The following UBE2K variants were observed in gnomAD, a reference collection of about 807,000 sequenced individuals.
UBE2K encodes ubiquitin-conjugating enzyme E2 K.
UBE2K carries 6 observed loss-of-function variants against 30.0 expected under a neutral mutation model. That is an observed-to-expected ratio of 0.20 (90% confidence interval 0.11 to 0.39). UBE2K has a LOEUF of 0.39. Ranked by LOEUF, UBE2K falls within the 10% of genes least tolerant of loss-of-function variation. The pLI, the probability that UBE2K is intolerant of heterozygous loss-of-function variation, is 1.00. For missense variants in UBE2K, 61 were observed against 241.6 expected, an observed-to-expected ratio of 0.25 and a Z score of 4.96; for synonymous variants, 86 against 83.7, an observed-to-expected ratio of 1.03 and a Z score of -0.15.
intron 4 of UBE2K, among the ~76,000 whole-genome samples, chr4:39,760,662 C>T (rs1711869978): frequency 6.6e-6 from 1 of 152,076 alleles, no homozygotes; most frequent in African/African-American, 2.4e-5. Flanking sequence ...CTTTGGGAGG[C>T]CGAGGCGGGC....
intron 3 of UBE2K, among the ~76,000 whole-genome samples, chr4:39,749,226 A>G (rs1721131705): frequency 6.6e-6 from 1 of 152,238 alleles, no homozygotes; most frequent in African/African-American, 2.4e-5. Context: ...GAGAAAATAT[A>G]TCTTTGAATC....
At chr4:39,719,145 C>A (rs1295793893) in intron 1 of UBE2K, among the ~76,000 whole-genome samples, 1 of 152,238 alleles carries the variant, frequency 6.6e-6, no homozygotes, top group East Asian at 1.9e-4. Flanking sequence ...CTCAGACTTT[C>A]AGTCTCCCTC....
chr4:39,775,678 G>A (rs1453758250), intron 5 of UBE2K, among the ~76,000 whole-genome samples: 1 of 152,148 alleles, frequency 6.6e-6, no homozygotes, highest in East Asian at 1.9e-4. Flanking sequence ...CTTGAACCTG[G>A]GTGGCAGAGG....
intron 2 of UBE2K, among the ~76,000 whole-genome samples, chr4:39,741,477 A>G (rs1720701309): frequency 6.6e-6 from 1 of 152,238 alleles, no homozygotes; most frequent in Admixed American, 6.5e-5. Flanking sequence ...ATGTGACGAT[A>G]GGTTAAATGT....
chr4:39,737,314 G>A, intron 1 of UBE2K, 106 bp from the exon 2 acceptor site: 2 of 557,624 alleles, frequency 3.6e-6, no homozygotes, highest in Non-Finnish European at 6.2e-6. Context: ...TACTAGAGCA[G>A]ATAATCAAGC....
intron 4 of UBE2K, among the ~76,000 whole-genome samples, chr4:39,765,879 G>A (rs1422381950): frequency 2.0e-5 from 3 of 151,752 alleles, no homozygotes; most frequent in South Asian, 2.1e-4. Flanking sequence ...AGGCCGAGGC[G>A]GATGGATCAC....
At chr4:39,724,198 C>G (rs1328643597) in intron 1 of UBE2K, among the ~76,000 whole-genome samples, 4 of 151,514 alleles carry the variant, frequency 2.6e-5, no homozygotes, top group African/African-American at 4.9e-5. Flanking sequence ...ACCTGGAACT[C>G]CTGGGCTCAA....
chr4:39,771,330 G>A (rs1034234898), intron 4 of UBE2K: 1 of 1,612,500 alleles, frequency 6.2e-7, no homozygotes, highest in Non-Finnish European at 8.5e-7. Flanking sequence ...CGGCCACAAT[G>A]GTCACGTCGC....
intron 1 of UBE2K, among the ~76,000 whole-genome samples, chr4:39,701,483 A>G (rs1203670551): frequency 3.9e-5 from 6 of 152,248 alleles, no homozygotes; most frequent in African/African-American, 1.2e-4. Context: ...TAGATGTCCT[A>G]TTTCCTAGAT....
chr4:39,705,106 C>T (rs1378350414), intron 1 of UBE2K, among the ~76,000 whole-genome samples: 1 of 151,132 alleles, frequency 6.6e-6, no homozygotes, highest in Admixed American at 6.6e-5. Flanking sequence ...ACCGTATTGG[C>T]CAGGCTGGTC....
In UBE2K at chr4:39,782,042, T is replaced by C. The variant is rs1021299906; in HGVS notation, c.*3608T>C. 5 of 398,160 alleles carry C rather than the reference T, an allele frequency of 1.3e-5. No individual in the cohort carries two copies. Among genetic ancestry groups the C allele is most frequent in the Non-Finnish European group, 2.2e-5 (5 of 225,686 alleles). The allele number at this position is 398,160 out of a possible 1,614,324, so 24.7% of individuals were successfully genotyped here. A position where few individuals can be genotyped will look rare whatever the true frequency, so the allele number is the denominator to read the frequency against. Reference sequence around the variant, plus strand: ...AATATAGATCAAAGATCTTGTGGCATAGGGGTAGGGGAGTGTTAGTATCTC... The same window carrying C: ...AATATAGATCAAAGATCTTGTGGCACAGGGGTAGGGGAGTGTTAGTATCTC... On this transcript the variant is annotated 3_prime_UTR_variant, in exon 7 of 7. Transcript: ENST00000261427.
At chr4:39,723,005 C>CA (rs925219499) in intron 1 of UBE2K, among the ~76,000 whole-genome samples, 2 of 151,580 alleles carry the variant, frequency 1.3e-5, no homozygotes, top group African/African-American at 4.9e-5. Flanking sequence ...AGGCTGGTCT[C>CA]AAACTCCTGA....
At chr4:39,765,958 T>A (rs1216508530) in intron 4 of UBE2K, among the ~76,000 whole-genome samples, 1 of 148,960 alleles carries the variant, frequency 6.7e-6, no homozygotes, top group Non-Finnish European at 1.5e-5. Context: ...CACATACACA[T>A]ACACATACAC....
rs546683700 is a variant in UBE2K, at chr4:39,764,592, C to G, written c.299+8853C>G. Reference sequence around the variant, plus strand: ...TTATCACAGGTGCACACCACCATGCCTGGCTAATTTTTTAAAATTACTTTT... The same window carrying G: ...TTATCACAGGTGCACACCACCATGCGTGGCTAATTTTTTAAAATTACTTTT... On this transcript the variant is annotated intron_variant, in intron 4 of 6. Coordinates refer to ENST00000261427, the MANE Select transcript of UBE2K (RefSeq NM_005339.5). Among the ~76,000 whole-genome samples, 120 of 152,142 alleles carry G rather than the reference C, an allele frequency of 7.9e-4. 1 individual carries two copies. The highest frequency in any genetic ancestry group is 2.8e-3 in the African/African-American group (118 of 41,518).
chr4:39,774,368 G>C (rs965204113), intron 4 of UBE2K, among the ~76,000 whole-genome samples: 71 of 151,966 alleles, frequency 4.7e-4, no homozygotes, highest in African/African-American at 1.5e-3. Context: ...AGCACATTGG[G>C]AGGCCAAGGC....
Position 39,781,734 on chromosome 4 carries a change from G to T in UBE2K, c.*3300G>T. On this transcript the variant is annotated 3_prime_UTR_variant, in exon 7 of 7. Coordinates refer to ENST00000261427, the MANE Select transcript of UBE2K (RefSeq NM_005339.5). Reference sequence around the variant, plus strand: ...ATGTTTAGATAGGAAAAAGGAAGCCGTCTGTTTACAGTTAACTTTATTTCA... The same window carrying T: ...ATGTTTAGATAGGAAAAAGGAAGCCTTCTGTTTACAGTTAACTTTATTTCA... 2.6e-6 allele frequency: 1 copy of T among 390,374 alleles called. No homozygotes were observed. Among genetic ancestry groups the T allele is most frequent in the East Asian group, 3.6e-5 (1 of 27,696 alleles). The allele number at this position is 390,374 out of a possible 1,614,324, so 24.2% of individuals were successfully genotyped here. A position where few individuals can be genotyped will look rare whatever the true frequency, so the allele number is the denominator to read the frequency against.
chr4:39,764,909 A>G (rs994498523), intron 4 of UBE2K, among the ~76,000 whole-genome samples: 3 of 108,886 alleles, frequency 2.8e-5, no homozygotes, highest in African/African-American at 1.4e-4. Flanking sequence ...TTTTCGAGAC[A>G]AGAGTCTCAC....
intron 4 of UBE2K, 72 bp downstream of exon 4, chr4:39,755,811 A>G: frequency 8.9e-7 from 1 of 1,125,086 alleles, no homozygotes; most frequent in East Asian, 2.5e-5. Flanking sequence ...TAAATGTGTA[A>G]TTGCCTCAAA....
At chr4:39,731,024 C>T (rs961844705) in intron 1 of UBE2K, among the ~76,000 whole-genome samples, 17 of 151,646 alleles carry the variant, frequency 1.1e-4, no homozygotes, top group African/African-American at 4.1e-4. Flanking sequence ...CTTGCTTTGT[C>T]GCCCAGGCTA....
Sources: allele counts gnomAD v4.1 joint callset (sites outside exome capture counted in the v4.1 genomes callset), GRCh38; gene constraint gnomAD v4.1.1; transcripts MANE v1.5; gene names NCBI Gene and HGNC (gene_info 2026-07-23, HGNC 2026-07-21).